The following PIK3C2G variants were observed in gnomAD, a reference collection of about 807,000 sequenced individuals.
PIK3C2G encodes the protein phosphatidylinositol-4-phosphate 3-kinase catalytic subunit type 2 gamma.
In PIK3C2G, 168 loss-of-function variants were observed where a neutral mutation model predicts 181.1. The ratio of observed to expected loss-of-function variants is 0.93; its 90% CI spans 0.82 to 1.05. The LOEUF is 1.05. Among genes scored for constraint, PIK3C2G ranks in the 50% least tolerant of loss-of-function variants. The probability of loss-of-function intolerance (pLI) is 0.00; values close to 1 mark genes in which losing one functional copy is unlikely to be tolerated. For synonymous variants in PIK3C2G, 573 were observed against 592.2 expected, an observed-to-expected ratio of 0.97 and a Z score of 0.47; for missense variants, 1,869 against 1,732.8, an observed-to-expected ratio of 1.08 and a Z score of -1.40.
At chr12:18,436,633 T>A (rs1197435927) in intron 18 of PIK3C2G, among the ~76,000 whole-genome samples, 1 of 151,990 alleles carries the variant, frequency 6.6e-6, no homozygotes, top group African/African-American at 2.4e-5. Flanking sequence ...CACATACATG[T>A]GTATTGCCTA....
chr12:18,269,872 A>G (rs1948669278), intron 1 of PIK3C2G, among the ~76,000 whole-genome samples: 1 of 151,928 alleles, frequency 6.6e-6, no homozygotes, highest in African/African-American at 2.4e-5. Flanking sequence ...ACTATTTGTC[A>G]GACACTGACA....
At chr12:18,538,403 C>T in intron 25 of PIK3C2G, 91 bp downstream of exon 25, 1 of 1,065,546 alleles carries the variant, frequency 9.4e-7, no homozygotes, top group South Asian at 1.6e-5. Context: ...TTGGAGTTCC[C>T]CAAGGAGCTA....
chr12:18,724,047 AAG>A, the PIK3C2G span, among the ~76,000 whole-genome samples: 1 of 152,074 alleles, frequency 6.6e-6, no homozygotes, highest in African/African-American at 2.4e-5. Context: ...TCCAATAAGA[AAG>A]AGTGGATTCG....
chr12:18,533,990 C>G (rs891506241), intron 24 of PIK3C2G, among the ~76,000 whole-genome samples: 7 of 136,706 alleles, frequency 5.1e-5, no homozygotes, highest in Non-Finnish European at 9.3e-5. Flanking sequence ...TGCTCTGTCT[C>G]CCAGGCTGGA....
At chr12:18,700,538 A>AAGG in the PIK3C2G span, among the ~76,000 whole-genome samples, 3 of 135,918 alleles carry the variant, frequency 2.2e-5, no homozygotes, top group Admixed American at 8.1e-5. Flanking sequence ...AAAAAAAAAT[A>AAGG]GTTGCTCTGC....
At chr12:18,302,227 G>A (rs1490469731) in intron 5 of PIK3C2G, among the ~76,000 whole-genome samples, 1 of 152,150 alleles carries the variant, frequency 6.6e-6, no homozygotes, top group Non-Finnish European at 1.5e-5. Context: ...GCAGCAGAGG[G>A]CCGAGTGGAT....
intron 32 of PIK3C2G, among the ~76,000 whole-genome samples, chr12:18,644,146 A>G (rs1352491816): frequency 6.6e-6 from 1 of 152,068 alleles, no homozygotes; most frequent in Non-Finnish European, 1.5e-5. Context: ...TCTATTTGAC[A>G]CTTCGCAGAG....
chr12:18,271,062 T>G (rs11043991), intron 1 of PIK3C2G, among the ~76,000 whole-genome samples: 56,311 of 151,880 alleles, frequency 0.37, 10,582 homozygotes, highest in Non-Finnish European at 0.41. Flanking sequence ...GACACTCTAG[T>G]GGAAGCTGTT....
intron 14 of PIK3C2G, among the ~76,000 whole-genome samples, chr12:18,388,465 C>T (rs779825616): frequency 5.9e-5 from 9 of 152,072 alleles, no homozygotes; most frequent in Admixed American, 1.3e-4. Flanking sequence ...AGTAGACACA[C>T]GGTTTCACCA....
At chr12:18,278,881 G>C (rs1949093406) in intron 1 of PIK3C2G, among the ~76,000 whole-genome samples, 1 of 151,948 alleles carries the variant, frequency 6.6e-6, no homozygotes, top group African/African-American at 2.4e-5. Flanking sequence ...TTAATATTAA[G>C]AAATGGATCT....
At chr12:18,400,549 C>A (rs1350121475) in intron 16 of PIK3C2G, among the ~76,000 whole-genome samples, 2 of 152,132 alleles carry the variant, frequency 1.3e-5, no homozygotes, top group Admixed American at 1.3e-4. Context: ...AATTGTGAAA[C>A]CCCGCTCTAT....
chr12:18,275,670 C>T (rs1447663189), intron 1 of PIK3C2G, among the ~76,000 whole-genome samples: 1 of 152,174 alleles, frequency 6.6e-6, no homozygotes, highest in Admixed American at 6.5e-5. Flanking sequence ...CGTGGGCCAC[C>T]ATGCCTGGCC....
chr12:18,647,165 C>A (rs528491532), intron 32 of PIK3C2G, among the ~76,000 whole-genome samples: 1 of 151,520 alleles, frequency 6.6e-6, no homozygotes, highest in Admixed American at 6.6e-5. Flanking sequence ...ATAAAAGTAA[C>A]CACAGTATTA....
At chr12:18,684,484 A>G in the PIK3C2G span, among the ~76,000 whole-genome samples, 1 of 152,042 alleles carries the variant, frequency 6.6e-6, no homozygotes, top group Non-Finnish European at 1.5e-5. Flanking sequence ...GCAATGTTCT[A>G]AGAATGGATC....
intron 28 of PIK3C2G, among the ~76,000 whole-genome samples, chr12:18,565,135 A>ACAGTGATG (rs1412949304): frequency 6.6e-6 from 1 of 152,168 alleles, no homozygotes; most frequent in Admixed American, 6.5e-5. Context: ...GCCCAGGCTT[A>ACAGTGATG]CAGTGATGCA....
chr12:18,349,957 T>C lies in PIK3C2G; in HGVS notation c.1625+3121T>C, dbSNP rs12307641. 3.9e-3 allele frequency among the ~76,000 whole-genome samples: 601 copies of C among 152,332 alleles called. 1 individual carries two copies. Among genetic ancestry groups the C allele is most frequent in the African/African-American group, 0.014 (565 of 41,588 alleles). On this transcript the variant is annotated intron_variant, in intron 11 of 32. Coordinates refer to ENST00000538779, the MANE Select transcript of PIK3C2G (RefSeq NM_001288772.2). ...ATGTGTCATACTTGGTTTGTGAAAT[T>C]GTTACATGGGTCTCGACAGCAGGAA...
intron 20 of PIK3C2G, among the ~76,000 whole-genome samples, chr12:18,495,547 A>T (rs112449756): frequency 4.6e-5 from 7 of 152,164 alleles, no homozygotes; most frequent in African/African-American, 1.4e-4. Flanking sequence ...TGAATCTATC[A>T]CAAAGATGTA....
In PIK3C2G at chr12:18,345,396, AT is replaced by A. The variant is rs921947983; in HGVS notation, c.1430-1244del. The stretch of plus-strand genomic sequence containing the variant: ...TTCAACAGAGGGCACAATTTAAGAA[AT>A]ATAACAAATAAGGAAAATTAATCTA... On this transcript the variant is annotated intron_variant, in intron 10 of 32. Transcript: ENST00000538779. Among the ~76,000 whole-genome samples the A allele has an allele frequency of 3.0e-4, 46 of 152,344 alleles. 2 individuals carry two copies. Among genetic ancestry groups the A allele is most frequent in the African/African-American group, 1.1e-3 (45 of 41,588 alleles).
At chr12:18,557,347 GTAAAA>G (rs1945065830) in intron 26 of PIK3C2G, among the ~76,000 whole-genome samples, 1 of 151,808 alleles carries the variant, frequency 6.6e-6, no homozygotes, top group Non-Finnish European at 1.5e-5. Flanking sequence ...CAAGAATTTA[GTAAAA>G]TAAGTGGTTA....
Sources: gnomAD v4.1 joint callset for allele counts (sites outside exome capture counted in the v4.1 genomes callset) on GRCh38, gnomAD v4.1.1 for gene constraint, MANE v1.5 for transcripts, NCBI Gene and HGNC (gene_info 2026-07-23, HGNC 2026-07-21) for gene names.